Variants in MACROD2 observed in about 807,000 individuals in gnomAD.
The protein encoded by MACROD2 is mono-ADP ribosylhydrolase 2.
In MACROD2, 36 loss-of-function variants were observed where a neutral mutation model predicts 70.4. The observed-to-expected ratio is 0.51, with a 90% CI of 0.39 to 0.68. The LOEUF (loss-of-function observed/expected upper bound fraction) is 0.68, where lower values mean the gene tolerates loss of function less well. MACROD2 is among the 30% of genes least tolerant of loss of function. MACROD2 has a pLI of 0.00. For synonymous variants in MACROD2, 172 were observed against 178.8 expected (o/e 0.96, Z 0.30); for missense variants, 496 against 538.4 (o/e 0.92, Z 0.78).
At chr20:15,838,001 A>T (rs1568589359) in intron 8 of MACROD2, among the ~76,000 whole-genome samples, 2 of 152,182 alleles carry the variant, frequency 1.3e-5, no homozygotes, top group South Asian at 4.1e-4. Flanking sequence ...CTAAGTAGGA[A>T]CTATCACCTT....
chr20:14,700,342 G>A (rs982558603), intron 5 of MACROD2, among the ~76,000 whole-genome samples: 1 of 151,948 alleles, frequency 6.6e-6, no homozygotes, highest in South Asian at 2.1e-4. Flanking sequence ...GATATTATAA[G>A]CTGAGTTTTA....
intron 4 of MACROD2, among the ~76,000 whole-genome samples, chr20:14,595,661 C>T (rs762400929): frequency 2.3e-4 from 35 of 152,158 alleles, no homozygotes; most frequent in Non-Finnish European, 4.6e-4. Flanking sequence ...ATTTTCTCTT[C>T]AGGATAAATT....
At chr20:14,347,329 C>T (rs1391691414) in intron 3 of MACROD2, among the ~76,000 whole-genome samples, 2 of 151,930 alleles carry the variant, frequency 1.3e-5, no homozygotes, top group South Asian at 2.1e-4. Flanking sequence ...CCTTGTAGTG[C>T]GTTTTGGGGA....
At chr20:14,672,861 A>C (rs1932956) in intron 4 of MACROD2, among the ~76,000 whole-genome samples, 12,237 of 152,244 alleles carry the variant, frequency 0.08, 758 homozygotes, top group South Asian at 0.27. Flanking sequence ...ACATACAAGT[A>C]CTACTGTCAT....
At chr20:15,856,322 G>A (rs113771209) in intron 8 of MACROD2, among the ~76,000 whole-genome samples, 8 of 152,316 alleles carry the variant, frequency 5.3e-5, no homozygotes, top group African/African-American at 1.9e-4. Context: ...GGGCTGAAGA[G>A]CCATTGTACT....
intron 3 of MACROD2, among the ~76,000 whole-genome samples, chr20:14,483,220 T>C (rs370720447): frequency 7.9e-5 from 12 of 152,318 alleles, no homozygotes; most frequent in African/African-American, 2.6e-4. Context: ...ATGTTTGGCA[T>C]ACATGAAGCG....
intron 4 of MACROD2, among the ~76,000 whole-genome samples, chr20:14,515,463 A>ACACACACACACGCGCGCGCG (rs34190778): frequency 1.4e-5 from 2 of 138,822 alleles, no homozygotes; most frequent in African/African-American, 5.7e-5. Context: ...ATACACACAC[A>ACACACACACACGCGCGCGCG]CGCACACACA....
chr20:15,548,638 C>A (rs1296528075), intron 8 of MACROD2, among the ~76,000 whole-genome samples: 8 of 152,172 alleles, frequency 5.3e-5, no homozygotes, highest in Non-Finnish European at 1.2e-4. Context: ...TTGTGATCCA[C>A]CCACCTTGGC....
chr20:14,874,593 A>G (rs1000916373), intron 5 of MACROD2, among the ~76,000 whole-genome samples: 6 of 151,908 alleles, frequency 3.9e-5, no homozygotes, highest in East Asian at 1.9e-4. Flanking sequence ...ATCACAAGGT[A>G]TAAGCACAGA....
At chr20:15,648,476 T>C (rs2049587786) in intron 8 of MACROD2, among the ~76,000 whole-genome samples, 2 of 152,212 alleles carry the variant, frequency 1.3e-5, no homozygotes, top group African/African-American at 4.8e-5. Flanking sequence ...CATTGTGGCC[T>C]TCCCTGACCA....
chr20:14,709,124 G>C (rs955299155), intron 5 of MACROD2, among the ~76,000 whole-genome samples: 5 of 152,150 alleles, frequency 3.3e-5, no homozygotes, highest in African/African-American at 1.2e-4. Flanking sequence ...GGCAAAAGTA[G>C]ATGCCTGTTT....
intron 3 of MACROD2, among the ~76,000 whole-genome samples, chr20:14,401,391 G>A (rs957019859): frequency 3.3e-5 from 5 of 152,146 alleles, no homozygotes; most frequent in Admixed American, 2.0e-4. Context: ...CTTCCACAAT[G>A]ACTGAACTGA....
At chr20:15,958,052 T>TA (rs1325787836) in intron 12 of MACROD2, among the ~76,000 whole-genome samples, 3 of 152,244 alleles carry the variant, frequency 2.0e-5, no homozygotes, top group Admixed American at 6.5e-5. Flanking sequence ...TATAGACTCT[T>TA]AGGGAAAGCT....
chr20:14,630,077 C>A (rs534365065), intron 4 of MACROD2, among the ~76,000 whole-genome samples: 28 of 152,204 alleles, frequency 1.8e-4, no homozygotes, highest in Middle Eastern at 3.4e-3. Context: ...CAAAGGAAAG[C>A]TAAGTAACTT....
At chr20:15,959,748 G>A (rs1277694962) in intron 12 of MACROD2, among the ~76,000 whole-genome samples, 2 of 152,038 alleles carry the variant, frequency 1.3e-5, no homozygotes, top group African/African-American at 4.8e-5. Flanking sequence ...TGACCAGTCT[G>A]GTCTTGAACT....
At chr20:14,143,856 A>G (rs912711867) in intron 3 of MACROD2, among the ~76,000 whole-genome samples, 10 of 152,214 alleles carry the variant, frequency 6.6e-5, no homozygotes, top group African/African-American at 2.4e-4. Context: ...TATGAACCAC[A>G]CAGTGTCATT....
intron 10 of MACROD2, among the ~76,000 whole-genome samples, chr20:15,898,587 G>GTCCCAGAC (rs1358881472): frequency 1.4e-5 from 2 of 144,354 alleles, no homozygotes; most frequent in Non-Finnish European, 3.0e-5. Flanking sequence ...CTAGGTTCAC[G>GTCCCAGAC]TCCCAGACCT....
intron 3 of MACROD2, among the ~76,000 whole-genome samples, chr20:14,221,582 C>T (rs983377020): frequency 6.6e-6 from 1 of 152,108 alleles, no homozygotes; most frequent in African/African-American, 2.4e-5. Context: ...AGGCAAGGAA[C>T]TCATGACTAA....
chr20:14,802,352 T>C lies in MACROD2; in HGVS notation c.418+117393T>C, dbSNP rs942192525. 2.6e-5 allele frequency among the ~76,000 whole-genome samples: 4 copies of C among 152,080 alleles called. No homozygotes were observed. In the East Asian group the frequency reaches 7.7e-4, roughly 29 times the overall value. Reference sequence around the variant, plus strand: ...TTACATTAATTGAGTTTTTCTTTTATGGCTAAACGCTTTTATTAAAGGAAG... The same window carrying C: ...TTACATTAATTGAGTTTTTCTTTTACGGCTAAACGCTTTTATTAAAGGAAG... On this transcript the variant is annotated intron_variant, in intron 5 of 17. Coordinates refer to ENST00000684519, the MANE Select transcript of MACROD2 (RefSeq NM_001351661.2).
Sources: gnomAD v4.1 joint callset for allele counts (sites outside exome capture counted in the v4.1 genomes callset) on GRCh38, gnomAD v4.1.1 for gene constraint, MANE v1.5 for transcripts, NCBI Gene and HGNC (gene_info 2026-07-23, HGNC 2026-07-21) for gene names.